The following TP73 variants were observed in gnomAD, a reference collection of about 807,000 sequenced individuals.
The protein encoded by TP73 is p53-like transcription factor.
TP73 carries 25 observed loss-of-function variants against 62.5 expected under a neutral mutation model. That is an observed-to-expected ratio of 0.40 (90% CI 0.29 to 0.56). TP73 has a LOEUF of 0.56. Among genes scored for constraint, TP73 ranks in the 20% least tolerant of loss-of-function variants. TP73 has a pLI of 0.46. For synonymous variants in TP73, 423 were observed against 377.5 expected (o/e 1.12, Z -1.40); for missense variants, 754 against 913.3 (o/e 0.83, Z 2.25).
chr1:3,659,786 A>G (rs1644951171), intron 1 of TP73, among the ~76,000 whole-genome samples: 1 of 152,048 alleles, frequency 6.6e-6, no homozygotes, highest in Admixed American at 6.5e-5. Context: ...GGTTCAAGTG[A>G]TTCTCCTGCC....
At chr1:3,729,273 C>A in intron 9 of TP73, 54 bp from the exon 10 acceptor site, 2 of 1,608,958 alleles carry the variant, frequency 1.2e-6, no homozygotes, top group Non-Finnish European at 1.7e-6. Context: ...GCGGCCACCC[C>A]CCTCCCGTGG....
chr1:3,699,800 C>T lies in TP73; in HGVS notation c.187-7749C>T, dbSNP rs147753971. Among the ~76,000 whole-genome samples, 958 of 152,218 alleles carry T rather than the reference C, an allele frequency of 6.3e-3. 8 individuals carry two copies. Among genetic ancestry groups the T allele is most frequent in the African/African-American group, 0.016 (657 of 41,528 alleles). ...AGGCGGAGGTGGAGCTGGGGAGGGG[C>T]CAGCGGGGCGTCAGGATTTCAGCTG... On this transcript the variant is annotated intron_variant, in intron 3 of 13. Transcript: ENST00000378295. The surrounding 1 kb of genome is among the most constrained non-coding windows in gnomAD (Gnocchi z 4.1).
At chr1:3,674,535 C>G (rs1273953873) in intron 1 of TP73, among the ~76,000 whole-genome samples, 2 of 152,234 alleles carry the variant, frequency 1.3e-5, no homozygotes, top group African/African-American at 4.8e-5. Flanking sequence ...GACCTGCTGA[C>G]GAAGCCGTCC....
In TP73 at chr1:3,666,681, GTC is replaced by G. The variant is rs1645121881; in HGVS notation, c.-34+14043_-34+14044del. Among the ~76,000 whole-genome samples the G allele has an allele frequency of 6.6e-6, 1 of 152,154 alleles. No homozygotes were observed. Among genetic ancestry groups the G allele is most frequent in the Admixed American group, 6.5e-5 (1 of 15,270 alleles). ...GACCTCAAAGAGGCCTGTCCTGTGT[GTC>G]TCACTGAGCAGGAACAAACCGTCCC... On this transcript the variant is annotated intron_variant, in intron 1 of 13. Transcript: ENST00000378295. The surrounding 1 kb of genome is among the most constrained non-coding windows in gnomAD (Gnocchi z 6.4).
chr1:3,659,215 A>T (rs900577474), intron 1 of TP73: 3 of 151,622 alleles, frequency 2.0e-5, no homozygotes, highest in Non-Finnish European at 4.4e-5. Flanking sequence ...CTGACTAAAA[A>T]CCAGTTTCTG....
intron 3 of TP73, among the ~76,000 whole-genome samples, chr1:3,702,006 GAT>G (rs1423253124): frequency 1.3e-5 from 2 of 152,162 alleles, no homozygotes; most frequent in Non-Finnish European, 2.9e-5. Flanking sequence ...TGGTTTCCAG[GAT>G]GGTGGCGTAG....
intron 3 of TP73, among the ~76,000 whole-genome samples, chr1:3,691,322 A>G (rs540243706): frequency 1.3e-5 from 2 of 152,288 alleles, no homozygotes; most frequent in African/African-American, 2.4e-5. Context: ...GCCCTGCCCC[A>G]GCTGCCAGGA....
chr1:3,667,533 G>A (rs762450793), intron 1 of TP73, among the ~76,000 whole-genome samples: 1 of 152,182 alleles, frequency 6.6e-6, no homozygotes, highest in Non-Finnish European at 1.5e-5. Context: ...GGTGGATCAT[G>A]AGGTCAGAAG....
At chr1:3,730,365 G>A (rs530073614) in intron 11 of TP73, among the ~76,000 whole-genome samples, 2 of 152,362 alleles carry the variant, frequency 1.3e-5, no homozygotes, top group South Asian at 2.1e-4. Context: ...GGTTAAGAGC[G>A]TGGAACCCAC....
In TP73 at chr1:3,731,364, G is replaced by A. The variant is rs1305724629; in HGVS notation, c.1485-99G>A. The A allele has an allele frequency of 2.7e-5, 34 of 1,246,812 alleles. 1 individual carries two copies. The Middle Eastern group carries it at 1.9e-3, about 70-fold the overall frequency. 77.2% of individuals were successfully genotyped at this position (1,246,812 alleles called of 1,614,324 possible). On this transcript the variant is annotated intron_variant, in intron 12 of 13. Coordinates refer to ENST00000378295, the MANE Select transcript of TP73 (RefSeq NM_005427.4). ...CTGGAGCCACCCTTCGGAGACAGCGGCAGTCTCCGCCCCAGCCAGGCCACT... is the reference window on the plus strand; with the variant it reads ...CTGGAGCCACCCTTCGGAGACAGCGACAGTCTCCGCCCCAGCCAGGCCACT...
chr1:3,698,948 G>T (rs1557529935), intron 3 of TP73, among the ~76,000 whole-genome samples: 1 of 152,196 alleles, frequency 6.6e-6, no homozygotes, highest in Non-Finnish European at 1.5e-5. Context: ...TGCTCCTGGG[G>T]GCGCGTTTCT....
chr1:3,707,075 G>T (rs1400806734), intron 3 of TP73, among the ~76,000 whole-genome samples: 2 of 152,124 alleles, frequency 1.3e-5, no homozygotes, highest in African/African-American at 2.4e-5. Flanking sequence ...GGGCACCCAC[G>T]CACCCAAGCC....
chr1:3,690,700 A>C, intron 3 of TP73: 2 of 1,427,194 alleles, frequency 1.4e-6, no homozygotes, highest in Non-Finnish European at 1.8e-6. Flanking sequence ...GAACTAAGGG[A>C]GATGGGAAAA....
intron 1 of TP73, among the ~76,000 whole-genome samples, chr1:3,674,242 C>T (rs1052118883): frequency 2.6e-5 from 4 of 152,184 alleles, no homozygotes; most frequent in African/African-American, 9.7e-5. Context: ...CTCAGGGATT[C>T]CCCCAGACTG....
intron 1 of TP73, among the ~76,000 whole-genome samples, chr1:3,661,695 C>CATATA (rs1644990138): frequency 1.4e-5 from 2 of 140,670 alleles, no homozygotes; most frequent in South Asian, 4.5e-4. Flanking sequence ...GAGCAACAAA[C>CATATA]TGTATATACA....
intron 1 of TP73, among the ~76,000 whole-genome samples, chr1:3,669,423 C>T (rs747294900): frequency 2.4e-4 from 36 of 152,222 alleles, no homozygotes; most frequent in Non-Finnish European, 4.9e-4. Context: ...TCGTGTGACC[C>T]TAGGATCGGG....
chr1:3,679,813 GTC>G (rs1645474430), intron 1 of TP73, among the ~76,000 whole-genome samples: 2 of 69,552 alleles, frequency 2.9e-5, no homozygotes, highest in Admixed American at 1.6e-4. Context: ...CTGTCTCTCT[GTC>G]TCTGTCTCTG....
intron 4 of TP73, among the ~76,000 whole-genome samples, chr1:3,713,629 C>A (rs1168683243): frequency 1.3e-5 from 2 of 152,178 alleles, no homozygotes; most frequent in African/African-American, 4.8e-5. Context: ...GAGACCCGGA[C>A]CCTGGAGGCC....
In TP73 at chr1:3,699,228, C is replaced by T. The variant is rs1441147149; in HGVS notation, c.187-8321C>T. ...GATGCTGTGGGAAGTACCGGCAGGA[C>T]GGAGGTCTTGCCCTGGTGGGATGGG... On this transcript the variant is annotated intron_variant, in intron 3 of 13. Transcript: ENST00000378295. This position sits in a 1 kb window ranked among gnomAD's most constrained non-coding sequence, Gnocchi z 4.1. Among the ~76,000 whole-genome samples, 2 of 152,130 alleles carry T rather than the reference C, an allele frequency of 1.3e-5. No individual in the cohort carries two copies. Among genetic ancestry groups the T allele is most frequent in the South Asian group, 2.1e-4 (1 of 4,828 alleles).
Sources: gnomAD v4.1 joint callset for allele counts (sites outside exome capture counted in the v4.1 genomes callset) on GRCh38, gnomAD v4.1.1 for gene constraint, Gnocchi (gnomAD v3.1) non-coding constraint, MANE v1.5 for transcripts, NCBI Gene and HGNC (gene_info 2026-07-23, HGNC 2026-07-21) for gene names.